The following ECT2 variants were observed in gnomAD, a reference collection of about 807,000 sequenced individuals.
The protein encoded by ECT2 is epithelial cell transforming 2.
A neutral mutation model predicts 116.9 loss-of-function variants in ECT2; 61 were observed. The ratio of observed to expected loss-of-function variants is 0.52; its 90% confidence interval spans 0.42 to 0.65. The LOEUF is 0.65. Among genes scored for constraint, ECT2 ranks in the 30% least tolerant of loss-of-function variants. ECT2 has a pLI of 0.00. For synonymous variants in ECT2, 358 were observed against 346.4 expected (o/e 1.03, Z -0.37); for missense variants, 937 against 1,078.7 (o/e 0.87, Z 1.84).
At position 172,773,760 on chromosome 3, in the gene ECT2, GAAAATGTCTC is replaced by G; in HGVS notation, c.1429-139_1429-130del. The G allele has an allele frequency of 2.4e-6, 2 of 817,122 alleles. 1 individual carries two copies. The highest frequency in any genetic ancestry group is 3.9e-5 in the South Asian group (2 of 51,692). 50.6% of individuals were successfully genotyped at this position (817,122 alleles called of 1,614,324 possible). On this transcript the variant is annotated intron_variant, in intron 13 of 24. Transcript: ENST00000392692. ...CATAAAATAGAATAGAAAATATGGGGAAAATGTCTCAAATTTAGGGAGAGTATTTTTTATT... is the reference window on the plus strand; with the variant it reads ...CATAAAATAGAATAGAAAATATGGGGAAATTTAGGGAGAGTATTTTTTATT...
chr3:172,805,055 A>G (rs1727423182), intron 20 of ECT2, among the ~76,000 whole-genome samples: 1 of 152,134 alleles, frequency 6.6e-6, no homozygotes, highest in Admixed American at 6.5e-5. Flanking sequence ...TGTTTAGGAA[A>G]AATAAACAAA....
intron 16 of ECT2, among the ~76,000 whole-genome samples, chr3:172,784,483 T>C (rs888483554): frequency 6.6e-6 from 1 of 152,126 alleles, no homozygotes; most frequent in Non-Finnish European, 1.5e-5. Flanking sequence ...TAGGAGTGTG[T>C]AGAGGAACTC....
intron 23 of ECT2, 121 bp from the exon 24 acceptor site, chr3:172,816,569 TA>T: frequency 2.8e-6 from 2 of 715,556 alleles, no homozygotes; most frequent in Non-Finnish European, 4.2e-6. Flanking sequence ...AAAGAGATTC[TA>T]ATCCTGCCAC....
intron 7 of ECT2, among the ~76,000 whole-genome samples, chr3:172,761,055 C>T (rs1039699936): frequency 1.3e-5 from 2 of 152,028 alleles, no homozygotes; most frequent in Admixed American, 6.6e-5. Context: ...GAGCTCTGCT[C>T]TTATAAAGTG....
At chr3:172,805,120 C>A (rs1054872901) in intron 20 of ECT2, among the ~76,000 whole-genome samples, 1 of 151,994 alleles carries the variant, frequency 6.6e-6, no homozygotes, top group Admixed American at 6.6e-5. Flanking sequence ...TGATAAAAAC[C>A]TATAGCCATC....
intron 18 of ECT2, among the ~76,000 whole-genome samples, chr3:172,797,371 T>C (rs1560000978): frequency 6.6e-6 from 1 of 152,128 alleles, no homozygotes; most frequent in Non-Finnish European, 1.5e-5. Flanking sequence ...CAGCACATGA[T>C]TTTCAGGTCA....
At chr3:172,823,360 A>G (rs537296771), downstream of ECT2, among the ~76,000 whole-genome samples, 1 of 152,348 alleles carries the variant, frequency 6.6e-6, no homozygotes, top group East Asian at 1.9e-4. Flanking sequence ...AGAAGTTACC[A>G]TTAAACATGT....
intron 18 of ECT2, among the ~76,000 whole-genome samples, chr3:172,801,769 A>G (rs1424770961): frequency 6.6e-6 from 1 of 152,222 alleles, no homozygotes. Context: ...TTTCACAGAA[A>G]TGGATGTTAA....
At chr3:172,792,622 G>A (rs1185355340) in intron 18 of ECT2, among the ~76,000 whole-genome samples, 1 of 152,154 alleles carries the variant, frequency 6.6e-6, no homozygotes, top group African/African-American at 2.4e-5. Context: ...TAAAGCTGCT[G>A]TGAAAATTTG....
intron 14 of ECT2, among the ~76,000 whole-genome samples, chr3:172,780,459 C>A (rs1392714006): frequency 6.6e-6 from 1 of 152,002 alleles, no homozygotes; most frequent in Non-Finnish European, 1.5e-5. Flanking sequence ...TGAGTAGATA[C>A]CTAGGAGTAG....
chr3:172,763,568 A>G (rs568728655), intron 11 of ECT2, among the ~76,000 whole-genome samples: 6 of 152,238 alleles, frequency 3.9e-5, no homozygotes, highest in Admixed American at 1.3e-4. Context: ...ATTATCCTAT[A>G]ACTATTGGGA....
chr3:172,775,727 G>T (rs369751490), intron 14 of ECT2, among the ~76,000 whole-genome samples: 1 of 150,710 alleles, frequency 6.6e-6, no homozygotes, highest in African/African-American at 2.4e-5. Context: ...TCTGCCTCCC[G>T]GGTTCAAGTG....
At chr3:172,785,517 TA>T (rs200910980) in intron 17 of ECT2, among the ~76,000 whole-genome samples, 240 of 133,376 alleles carry the variant, frequency 1.8e-3, no homozygotes, top group Admixed American at 3.9e-3. Flanking sequence ...TAAAAATAAT[TA>T]AAAAAAAAAA....
intron 17 of ECT2, among the ~76,000 whole-genome samples, chr3:172,785,707 CA>C (rs1723491172): frequency 2.6e-5 from 4 of 152,040 alleles, no homozygotes; most frequent in Admixed American, 2.0e-4. Flanking sequence ...AAAAATCTGA[CA>C]ATTTTTTTGT....
In ECT2 at chr3:172,802,665, G is replaced by T; in HGVS notation, c.1957G>T (p.Asp653Tyr). Residue 653 changes from aspartate (D) to tyrosine (Y), a missense_variant, in exon 19 of 25, where the codon GAT (aspartate) becomes TAT (tyrosine). Asp to Tyr is a radical substitution (Grantham distance 160, BLOSUM62 -3). Coordinates refer to ENST00000392692, the MANE Select transcript of ECT2 (RefSeq NM_001258315.2). ...RKTEAQKQIF[D>Y]VVYEVDGCPA... ...AACAGAAGCTCAAAAGCAAATTTTT[G>T]ATGTTGTTTATGAAGTAGATGGATG... The T allele has an allele frequency of 6.2e-7, 1 of 1,603,240 alleles. No individual in the cohort carries two copies.
chr3:172,795,051 C>T (rs1182169474), intron 18 of ECT2, among the ~76,000 whole-genome samples: 1 of 152,098 alleles, frequency 6.6e-6, no homozygotes, highest in Non-Finnish European at 1.5e-5. Context: ...ATGAATATTT[C>T]CATTTATTTA....
Position 172,762,606 on chromosome 3 carries a change from C to T in ECT2, c.889+60C>T, listed in dbSNP as rs1473809133. On this transcript the variant is annotated intron_variant, in intron 9 of 24. Coordinates refer to ENST00000392692, the MANE Select transcript of ECT2 (RefSeq NM_001258315.2). ...TTTAGTCCCTAGGCCTGCTTAATCA[C>T]TTCCTGGTCAATATACCTCTTAAAA... 7 of 1,575,830 alleles carry T rather than the reference C, an allele frequency of 4.4e-6. No individual in the cohort carries two copies. The East Asian group carries it at 1.1e-4, about 25-fold the overall frequency.
intron 14 of ECT2, among the ~76,000 whole-genome samples, chr3:172,780,864 A>G (rs1722571022): frequency 1.3e-5 from 2 of 151,782 alleles, no homozygotes; most frequent in East Asian, 3.9e-4. Context: ...TGAAATGGCT[A>G]CTGTCTGTTG....
At chr3:172,804,787 G>A (rs1466481824) in intron 20 of ECT2, among the ~76,000 whole-genome samples, 1 of 152,040 alleles carries the variant, frequency 6.6e-6, no homozygotes, top group Admixed American at 6.6e-5. Flanking sequence ...GCAGTCTTCT[G>A]TAATTGGTTC....
Sources: gnomAD v4.1 joint callset for allele counts (sites outside exome capture counted in the v4.1 genomes callset) on GRCh38, gnomAD v4.1.1 for gene constraint, MANE v1.5 for transcripts, NCBI Gene and HGNC (gene_info 2026-07-23, HGNC 2026-07-21) for gene names.